The following PDS5B variants were observed in gnomAD, a reference collection of about 807,000 sequenced individuals.
PDS5B encodes PDS5 cohesin associated factor B, also known as sister chromatid cohesion protein PDS5 homolog B.
PDS5B carries 51 observed loss-of-function variants against 184.1 expected under a neutral mutation model. That is an observed-to-expected ratio of 0.28 (90% CI 0.22 to 0.35). The LOEUF (loss-of-function observed/expected upper bound fraction) is 0.35, where lower values mean the gene tolerates loss of function less well. PDS5B is among the 10% of genes least tolerant of loss of function. PDS5B has a pLI of 1.00. For missense variants in PDS5B, 1,180 were observed against 1,723.3 expected (o/e 0.68, Z 5.58); for synonymous variants, 566 against 569.2 (o/e 0.99, Z 0.08).
At chr13:32,754,657 G>T (rs1171034234) in intron 25 of PDS5B, among the ~76,000 whole-genome samples, 1 of 151,938 alleles carries the variant, frequency 6.6e-6, no homozygotes, top group Admixed American at 6.6e-5. Context: ...TTTACCTGTC[G>T]TATTTTGGCA....
At chr13:32,643,051 C>G (rs1357129107) in intron 1 of PDS5B, among the ~76,000 whole-genome samples, 1 of 152,110 alleles carries the variant, frequency 6.6e-6, no homozygotes, top group Non-Finnish European at 1.5e-5. Context: ...CAAGGTCACT[C>G]TGTCTACATT....
At chr13:32,587,122 G>A (rs1404489462) in intron 1 of PDS5B, among the ~76,000 whole-genome samples, 1 of 148,516 alleles carries the variant, frequency 6.7e-6, no homozygotes, top group Non-Finnish European at 1.5e-5. Context: ...TCCCCCTTCC[G>A]GGCGAGGGGC....
At chr13:32,634,755 G>A (rs1593298013) in intron 1 of PDS5B, among the ~76,000 whole-genome samples, 1 of 151,882 alleles carries the variant, frequency 6.6e-6, no homozygotes, top group Non-Finnish European at 1.5e-5. Flanking sequence ...GCTAGTTTTT[G>A]TATTTTTAGT....
At chr13:32,651,319 TTAAA>T (rs1950361395) in intron 2 of PDS5B, among the ~76,000 whole-genome samples, 2 of 152,326 alleles carry the variant, frequency 1.3e-5, no homozygotes, top group Admixed American at 6.5e-5. Flanking sequence ...ACATCCTTTC[TTAAA>T]TAAAACCATG....
chr13:32,724,660 C>T (rs1331018911), intron 19 of PDS5B, among the ~76,000 whole-genome samples: 1 of 152,182 alleles, frequency 6.6e-6, no homozygotes, highest in African/African-American at 2.4e-5. Flanking sequence ...CAGCTCACTG[C>T]AGCCTCGACC....
intron 1 of PDS5B, among the ~76,000 whole-genome samples, chr13:32,626,101 A>C (rs1445962346): frequency 1.3e-5 from 2 of 152,028 alleles, no homozygotes; most frequent in Non-Finnish European, 2.9e-5. Flanking sequence ...CGGCCTCCCA[A>C]AGTGCTGGGA....
intron 19 of PDS5B, among the ~76,000 whole-genome samples, chr13:32,716,770 G>T: frequency 7.5e-6 from 1 of 133,058 alleles, no homozygotes; most frequent in African/African-American, 2.7e-5. Context: ...TGCCCGGCCA[G>T]CCGCCCCGTC....
At chr13:32,587,566 A>G (rs1179041069) in intron 1 of PDS5B, among the ~76,000 whole-genome samples, 1 of 152,170 alleles carries the variant, frequency 6.6e-6, no homozygotes, top group African/African-American at 2.4e-5. Context: ...CTCGACAGTT[A>G]TTTTGGACGA....
intron 19 of PDS5B, among the ~76,000 whole-genome samples, chr13:32,722,338 G>T (rs558326545): frequency 1.1e-4 from 17 of 152,372 alleles, no homozygotes; most frequent in African/African-American, 3.8e-4. Context: ...GAGGGAGACC[G>T]TGGAAAGCGG....
At chr13:32,717,054 C>T (rs1952471430) in intron 19 of PDS5B, among the ~76,000 whole-genome samples, 4 of 147,242 alleles carry the variant, frequency 2.7e-5, no homozygotes, top group South Asian at 2.1e-4. Context: ...GCCGCCTCGT[C>T]CGGGAGGGAG....
intron 9 of PDS5B, among the ~76,000 whole-genome samples, chr13:32,677,111 A>G (rs935346166): frequency 1.3e-5 from 2 of 152,150 alleles, no homozygotes; most frequent in East Asian, 1.9e-4. Flanking sequence ...ATAAGTTGTG[A>G]TAAGTGTTTG....
chr13:32,655,374 A>ATATTTTTTTTTTTTTTTT, intron 3 of PDS5B, among the ~76,000 whole-genome samples: 1 of 72,484 alleles, frequency 1.4e-5, no homozygotes, highest in Non-Finnish European at 2.2e-5. Context: ...ATATATATAT[A>ATATTTTTTTTTTTTTTTT]TTTTTTTTTT....
intron 8 of PDS5B, among the ~76,000 whole-genome samples, chr13:32,675,012 TAGA>T (rs953580553): frequency 6.6e-6 from 1 of 151,954 alleles, no homozygotes; most frequent in African/African-American, 2.4e-5. Flanking sequence ...TATAATTACT[TAGA>T]CGAATAAAGA....
chr13:32,698,023 T>G (rs1951757238), intron 15 of PDS5B, among the ~76,000 whole-genome samples: 1 of 148,134 alleles, frequency 6.8e-6, no homozygotes, highest in Non-Finnish European at 1.5e-5. Context: ...GGATACTGTC[T>G]CCTAAAAGAG....
intron 1 of PDS5B, among the ~76,000 whole-genome samples, chr13:32,628,552 G>GAA (rs35988429): frequency 0.01 from 1,446 of 139,352 alleles, 18 homozygotes; most frequent in African/African-American, 0.033. Flanking sequence ...CCATCTCAGG[G>GAA]AAAAAAAAAA....
At chr13:32,733,099 A>G (rs764381623) in intron 20 of PDS5B, among the ~76,000 whole-genome samples, 2 of 152,204 alleles carry the variant, frequency 1.3e-5, no homozygotes, top group Non-Finnish European at 2.9e-5. Context: ...CTGTGTTTGT[A>G]TATGAGAATG....
chr13:32,609,444 C>T (rs1223485198), intron 1 of PDS5B, among the ~76,000 whole-genome samples: 1 of 152,072 alleles, frequency 6.6e-6, no homozygotes, highest in Admixed American at 6.5e-5. Context: ...TACCTTCTTC[C>T]ACTGCCATTC....
At chr13:32,727,123 A>G (rs1389266378) in intron 19 of PDS5B, among the ~76,000 whole-genome samples, 11 of 152,052 alleles carry the variant, frequency 7.2e-5, no homozygotes, top group Non-Finnish European at 8.8e-5. Flanking sequence ...TTCCTCTTCT[A>G]TTCTTTATGT....
intron 1 of PDS5B, among the ~76,000 whole-genome samples, chr13:32,592,810 G>A (rs2057797709): frequency 6.6e-6 from 1 of 152,130 alleles, no homozygotes; most frequent in Admixed American, 6.5e-5. Flanking sequence ...AGAGCATGGT[G>A]GTTAATTTAA....
Sources: allele counts gnomAD v4.1 joint callset (sites outside exome capture counted in the v4.1 genomes callset), GRCh38; gene constraint gnomAD v4.1.1; transcripts MANE v1.5; gene names NCBI Gene and HGNC (gene_info 2026-07-23, HGNC 2026-07-21).